Variants in ANK2 observed in about 807,000 individuals in gnomAD.
ANK2 encodes the protein ankyrin-2.
Under a neutral mutation model 360.5 loss-of-function variants are expected in ANK2, and 83 were observed. That is an observed-to-expected ratio of 0.23 (90% CI 0.19 to 0.28). ANK2 has a LOEUF of 0.28. Ranked by LOEUF, ANK2 falls within the 10% of genes least tolerant of loss-of-function variation. ANK2 has a pLI of 1.00. For synonymous variants in ANK2, 1,740 were observed against 1,759.5 expected, an observed-to-expected ratio of 0.99 and a Z score of 0.28; for missense variants, 4,201 against 4,795.7, an observed-to-expected ratio of 0.88 and a Z score of 3.66.
chr4:112,817,984 G>A (rs957213050), upstream of ANK2: 1 of 152,310 alleles, frequency 6.6e-6, no homozygotes, highest in Admixed American at 6.5e-5. Flanking sequence ...GCACTCAAAT[G>A]ATGCAACCCA....
chr4:112,829,164 T>C (rs1487313498), intron 1 of ANK2, among the ~76,000 whole-genome samples: 1 of 151,918 alleles, frequency 6.6e-6, no homozygotes, highest in Non-Finnish European at 1.5e-5. Context: ...AAAATATAAA[T>C]GAATGAGTGA....
chr4:112,763,844 T>C, the ANK2 span, among the ~76,000 whole-genome samples: 110 of 152,114 alleles, frequency 7.2e-4, 4 homozygotes, highest in Non-Finnish European at 2.5e-4. Context: ...CATTGGCTTA[T>C]TTGGGGAATG....
chr4:112,738,245 ATTT>A, the ANK2 span, among the ~76,000 whole-genome samples: 1 of 152,060 alleles, frequency 6.6e-6, no homozygotes, highest in Non-Finnish European at 1.5e-5. Context: ...CCCCGTCTCT[ATTT>A]AAAAAGTACA....
rs541271632 is a variant in ANK2 at position 113,147,381 on chromosome 4, A to T, written c.85-27035A>T. Among the ~76,000 whole-genome samples, 14 of 152,348 alleles carry T rather than the reference A, an allele frequency of 9.2e-5. No homozygotes were observed. The East Asian group carries it at 2.1e-3, about 23-fold the overall frequency. On this transcript the variant is annotated intron_variant, in intron 1 of 45. Transcript: ENST00000357077. ...CTGAACTGAGGGGACAAAAAGTATC[A>T]TTACTACTAGTTCAGGACCACAAAA...
In ANK2 at chr4:113,258,333, T is replaced by C. The variant is rs777946326; in HGVS notation, c.1308T>C (p.His436=). Residue 436 remains histidine, a synonymous_variant, in exon 13 of 46, where the codon CAT becomes CAC. Coordinates refer to ENST00000357077, the MANE Select transcript of ANK2 (RefSeq NM_001148.6). Reference sequence around the variant, plus strand: ...CGCAGTCTGGCCTCACACCAATACATGTGGCTGCCTTCATGGGCCACTTGA... The same window carrying C: ...CGCAGTCTGGCCTCACACCAATACACGTGGCTGCCTTCATGGGCCACTTGA... The part of the protein sequence containing the change: ...AITESGLTPI[H]VAAFMGHLNI... 13 of 1,613,962 alleles carry C rather than the reference T, an allele frequency of 8.1e-6. No homozygotes were observed. Among genetic ancestry groups the C allele is most frequent in the Non-Finnish European group, 1.1e-5 (13 of 1,180,008 alleles).
chr4:113,147,559 G>A (rs2096880010), intron 1 of ANK2, among the ~76,000 whole-genome samples: 1 of 152,118 alleles, frequency 6.6e-6, no homozygotes, highest in South Asian at 2.1e-4. Context: ...AGGTGGAAGT[G>A]GACCTGTTTT....
At chr4:113,014,281 T>C (rs1326701182) in intron 2 of ANK2, among the ~76,000 whole-genome samples, 1 of 152,208 alleles carries the variant, frequency 6.6e-6, no homozygotes, top group African/African-American at 2.4e-5. Flanking sequence ...AGCCAACATA[T>C]TTTGATAATT....
Position 113,011,689 on chromosome 4 carries a change from T to A in ANK2, c.21+107175T>A, listed in dbSNP as rs142287440. On this transcript the variant is annotated intron_variant, in intron 2 of 30. Coordinates refer to the ANK2 transcript ENST00000503271. The stretch of plus-strand genomic sequence containing the variant: ...TTTTCCTTCTGGTATAGAGAGGACA[T>A]CTTACATATGGATATTTTATCTCCT... 3.6e-3 allele frequency among the ~76,000 whole-genome samples: 553 copies of A among 152,202 alleles called. 2 individuals are homozygous for A. The highest frequency in any genetic ancestry group is 6.0e-3 in the Non-Finnish European group (410 of 67,946).
At chr4:113,281,468 AG>A (rs1317208627) in intron 17 of ANK2, among the ~76,000 whole-genome samples, 1 of 152,104 alleles carries the variant, frequency 6.6e-6, no homozygotes, top group African/African-American at 2.4e-5. Context: ...TGAGCCCAGG[AG>A]GTGGAGGTTG....
intron 23 of ANK2, among the ~76,000 whole-genome samples, chr4:113,304,839 A>T (rs2076477956): frequency 6.6e-6 from 1 of 152,206 alleles, no homozygotes; most frequent in Non-Finnish European, 1.5e-5. Flanking sequence ...GTAATGTAAG[A>T]TATTTTATCT....
At chr4:113,023,754 T>A (rs1007403820) in intron 2 of ANK2, among the ~76,000 whole-genome samples, 2 of 152,236 alleles carry the variant, frequency 1.3e-5, no homozygotes, top group African/African-American at 4.8e-5. Flanking sequence ...CATTGCAACA[T>A]CTACAGCACC....
intron 2 of ANK2, among the ~76,000 whole-genome samples, chr4:113,013,745 T>C (rs904747528): frequency 3.3e-5 from 5 of 152,344 alleles, no homozygotes; most frequent in South Asian, 2.1e-4. Context: ...ACATTTTTTT[T>C]CCCCTCAAAC....
intron 36 of ANK2, among the ~76,000 whole-genome samples, chr4:113,349,446 C>T (rs2095246117): frequency 1.3e-5 from 2 of 151,932 alleles, no homozygotes; most frequent in South Asian, 4.2e-4. Flanking sequence ...AATGTAAGCC[C>T]TTATCAGTTC....
intron 23 of ANK2, among the ~76,000 whole-genome samples, chr4:113,307,352 G>A (rs1185229120): frequency 2.0e-5 from 3 of 150,950 alleles, no homozygotes; most frequent in Admixed American, 6.6e-5. Context: ...GTTCCGTAAC[G>A]TTTCAGAGAA....
intron 9 of ANK2, among the ~76,000 whole-genome samples, chr4:113,242,479 G>T (rs2040497987): frequency 6.6e-6 from 1 of 152,174 alleles, no homozygotes; most frequent in Non-Finnish European, 1.5e-5. Flanking sequence ...TGGGACCAAA[G>T]ATCAAAGATT....
At chr4:113,255,992 A>C in intron 11 of ANK2, 60 bp downstream of exon 11, 1 of 1,549,956 alleles carries the variant, frequency 6.5e-7, no homozygotes, top group African/African-American at 1.4e-5. Flanking sequence ...ACCCACATTC[A>C]TTGACCAACA....
the ANK2 span, among the ~76,000 whole-genome samples, chr4:112,719,793 G>A: frequency 6.6e-6 from 1 of 151,840 alleles, no homozygotes; most frequent in African/African-American, 2.4e-5. Flanking sequence ...CTTCAGCAAA[G>A]GCTTCAAACA....
In ANK2 at chr4:113,087,419, T is replaced by G. The variant is rs1453592694; in HGVS notation, c.84+37607T>G. On this transcript the variant is annotated intron_variant, in intron 1 of 45. Coordinates refer to ENST00000357077, the MANE Select transcript of ANK2 (RefSeq NM_001148.6). ...TTTAAAAATTTTCCAAACTTTACAA[T>G]AAAGTATTCTAGACTATTTTCTGTT... 2.0e-5 allele frequency among the ~76,000 whole-genome samples: 3 copies of G among 152,228 alleles called. No individual in the cohort carries two copies. The East Asian group carries it at 5.8e-4, about 29-fold the overall frequency.
intron 9 of ANK2, among the ~76,000 whole-genome samples, chr4:113,245,102 G>T (rs2042149940): frequency 6.6e-6 from 1 of 152,242 alleles, no homozygotes; most frequent in Admixed American, 6.5e-5. Context: ...CCCCCCATAA[G>T]TTGAAATACT....
Sources: allele counts gnomAD v4.1 joint callset (sites outside exome capture counted in the v4.1 genomes callset), GRCh38; gene constraint gnomAD v4.1.1; transcripts MANE v1.5; gene names NCBI Gene and HGNC (gene_info 2026-07-23, HGNC 2026-07-21).